NFIX: variants seen among roughly 807,000 people sequenced by gnomAD.
The protein encoded by NFIX is nuclear factor I X.
NFIX carries 2 observed loss-of-function variants against 53.3 expected under a neutral mutation model. The ratio of observed to expected loss-of-function variants is 0.04; its 90% CI spans 0.02 to 0.12. NFIX has a LOEUF of 0.12. NFIX is among the 10% of genes least tolerant of loss of function. NFIX has a pLI of 1.00. For missense variants in NFIX, 310 were observed against 674.5 expected (o/e 0.46, Z 5.99); for synonymous variants, 244 against 289.0 (o/e 0.84, Z 1.58).
Position 13,074,035 on chromosome 19 carries a change from A to G in NFIX, c.818+9A>G. On this transcript the variant is annotated intron_variant, in intron 5 of 10. Coordinates refer to ENST00000592199, the MANE Select transcript of NFIX (RefSeq NM_001365902.3). Reference sequence around the variant, plus strand: ...TCCCCTCCTTCCACCAGGTAAGCCCAGTGGCCCTGCCTTTCCATCTTCTCT... The same window carrying G: ...TCCCCTCCTTCCACCAGGTAAGCCCGGTGGCCCTGCCTTTCCATCTTCTCT... The G allele has an allele frequency of 3.1e-6, 5 of 1,613,762 alleles. No homozygotes were observed. Among genetic ancestry groups the G allele is most frequent in the Non-Finnish European group, 4.2e-6 (5 of 1,179,792 alleles).
intron 1 of NFIX, among the ~76,000 whole-genome samples, chr19:13,020,589 C>G (rs976272582): frequency 6.6e-6 from 1 of 152,184 alleles, no homozygotes; most frequent in Non-Finnish European, 1.5e-5. Context: ...TAGCCACTGG[C>G]AGGAGAAGGA....
In NFIX at chr19:13,088,373, C is replaced by T. The variant is rs2017919174; in HGVS notation, c.1402+237C>T. Among the ~76,000 whole-genome samples, 1 of 152,136 alleles carries T rather than the reference C, an allele frequency of 6.6e-6. No individual in the cohort carries two copies. Among genetic ancestry groups the T allele is most frequent in the Non-Finnish European group, 1.5e-5 (1 of 68,004 alleles). ...CTGCTCCCAGCCGGGGCCCCTGGCCCAGGCCCCTCTGGGGGGCGGGAGGGA... is the reference window on the plus strand; with the variant it reads ...CTGCTCCCAGCCGGGGCCCCTGGCCTAGGCCCCTCTGGGGGGCGGGAGGGA... On this transcript the variant is annotated intron_variant, in intron 9 of 10. Coordinates refer to ENST00000592199, the MANE Select transcript of NFIX (RefSeq NM_001365902.3). This position sits in a 1 kb window ranked among gnomAD's most constrained non-coding sequence, Gnocchi z 5.9.
In NFIX at chr19:13,001,421, C is replaced by G. The variant is rs1291649707; in HGVS notation, c.27+5557C>G. ...GGGGGTCGGGGAGCGTGCCACCATG[C>G]GTGTCAGTGTGCCGGATGTAGTCTC... On this transcript the variant is annotated intron_variant, in intron 1 of 10. Transcript: ENST00000592199. This position sits in a 1 kb window ranked among gnomAD's most constrained non-coding sequence, Gnocchi z 6.5. 7.2e-5 allele frequency among the ~76,000 whole-genome samples: 11 copies of G among 151,736 alleles called. No individual in the cohort carries two copies. Among genetic ancestry groups the G allele is most frequent in the Non-Finnish European group, 2.9e-5 (2 of 67,938 alleles).
In NFIX at chr19:13,011,869, C is replaced by G. The variant is rs1322062658; in HGVS notation, c.28-13152C>G. Among the ~76,000 whole-genome samples the G allele has an allele frequency of 2.0e-5, 3 of 152,026 alleles. No individual in the cohort carries two copies. Among genetic ancestry groups the G allele is most frequent in the African/African-American group, 2.4e-5 (1 of 41,276 alleles). The stretch of plus-strand genomic sequence containing the variant: ...CATTTCCTGGACCCGCTGCAACTGA[C>G]TCAAGACTGGGGGGAGGGGGCTCAT... On this transcript the variant is annotated intron_variant, in intron 1 of 10. Coordinates refer to ENST00000592199, the MANE Select transcript of NFIX (RefSeq NM_001365902.3). The surrounding 1 kb of genome is among the most constrained non-coding windows in gnomAD (Gnocchi z 6.5).
At chr19:13,048,899 C>T (rs993179727) in intron 2 of NFIX, among the ~76,000 whole-genome samples, 1 of 151,976 alleles carries the variant, frequency 6.6e-6, no homozygotes, top group African/African-American at 2.4e-5. Flanking sequence ...ATGGTGAAAC[C>T]CTGTCTTTAC....
At position 13,027,761 on chromosome 19, in the gene NFIX, A is replaced by G. The variant is rs144527884; in HGVS notation, c.559+2209A>G. ...CCATGCCTCCCTGCCAGCTTAAGAG[A>G]TCATTCGCCCAGGAATATGAGTGAA... On this transcript the variant is annotated intron_variant, in intron 2 of 10. Coordinates refer to ENST00000592199, the MANE Select transcript of NFIX (RefSeq NM_001365902.3). The surrounding 1 kb of genome is among the most constrained non-coding windows in gnomAD (Gnocchi z 4.3). Among the ~76,000 whole-genome samples, 317 of 152,318 alleles carry G rather than the reference A, an allele frequency of 2.1e-3. No individual in the cohort carries two copies. The highest frequency in any genetic ancestry group is 4.4e-3 in the Admixed American group (67 of 15,302).
intron 2 of NFIX, among the ~76,000 whole-genome samples, chr19:13,029,497 C>T (rs1241637149): frequency 6.6e-6 from 1 of 152,138 alleles, no homozygotes; most frequent in Non-Finnish European, 1.5e-5. Flanking sequence ...AGTCCTTCTC[C>T]TCTTCCTCTT....
rs1412796643 is a variant in NFIX, at chr19:13,005,348, T to C, written c.27+9484T>C. Among the ~76,000 whole-genome samples the C allele has an allele frequency of 8.5e-5, 13 of 152,256 alleles. No homozygotes were observed. The highest frequency in any genetic ancestry group is 2.9e-4 in the African/African-American group (12 of 41,462). Reference sequence around the variant, plus strand: ...TTGCTAAGTGCCTTCCCAGCTTGTCTTCTTGAATCCTGTGTTCAGCAGGTA... The same window carrying C: ...TTGCTAAGTGCCTTCCCAGCTTGTCCTCTTGAATCCTGTGTTCAGCAGGTA... On this transcript the variant is annotated intron_variant, in intron 1 of 10. Transcript: ENST00000592199. The surrounding 1 kb of genome is among the most constrained non-coding windows in gnomAD (Gnocchi z 4.7).
chr19:13,048,081 A>T (rs2015102555), intron 2 of NFIX, among the ~76,000 whole-genome samples: 1 of 152,288 alleles, frequency 6.6e-6, no homozygotes, highest in East Asian at 1.9e-4. Context: ...TCCTTGTGTT[A>T]TGCCTAGAAG....
chr19:13,043,032 G>T lies in NFIX; in HGVS notation c.559+17480G>T, dbSNP rs1000725816. Among the ~76,000 whole-genome samples, 6 of 152,078 alleles carry T rather than the reference G, an allele frequency of 3.9e-5. No individual in the cohort carries two copies. Among genetic ancestry groups the T allele is most frequent in the Admixed American group, 6.5e-5 (1 of 15,268 alleles). The stretch of plus-strand genomic sequence containing the variant: ...AGATGTTGCCATCATTGTACATATC[G>T]TGTACATTGCACATACATGTCATGT... On this transcript the variant is annotated intron_variant, in intron 2 of 10. Coordinates refer to ENST00000592199, the MANE Select transcript of NFIX (RefSeq NM_001365902.3). The surrounding 1 kb of genome is among the most constrained non-coding windows in gnomAD (Gnocchi z 4.0).
chr19:13,091,434 GTCAAACT>G (rs2018135785), intron 10 of NFIX, among the ~76,000 whole-genome samples: 1 of 108,224 alleles, frequency 9.2e-6, no homozygotes, highest in Non-Finnish European at 1.9e-5. Context: ...AAAAAACTTT[GTCAAACT>G]TCAAACTTCA....
intron 10 of NFIX, among the ~76,000 whole-genome samples, chr19:13,092,674 T>C (rs1236038256): frequency 1.3e-5 from 2 of 152,234 alleles, no homozygotes; most frequent in Non-Finnish European, 2.9e-5. Flanking sequence ...ACAGGGTTCC[T>C]GTATAGTCTC....
chr19:13,049,023 GA>G lies in NFIX; in HGVS notation c.559+23472del, dbSNP rs758766484. ...GCTCAGGAGGCAGAGGTTGCAGTGAGACAAGATCGCGTCACTGTACCCCAGC... is the reference window on the plus strand; with the variant it reads ...GCTCAGGAGGCAGAGGTTGCAGTGAGCAAGATCGCGTCACTGTACCCCAGC... On this transcript the variant is annotated intron_variant, in intron 2 of 10. Transcript: ENST00000592199. The surrounding 1 kb of genome is among the most constrained non-coding windows in gnomAD (Gnocchi z 4.5). Among the ~76,000 whole-genome samples the G allele has an allele frequency of 7.3e-3, 1,107 of 152,250 alleles. 7 individuals are homozygous for G. The highest frequency in any genetic ancestry group is 0.011 in the Non-Finnish European group (726 of 68,012).
intron 1 of NFIX, among the ~76,000 whole-genome samples, chr19:13,020,930 C>T (rs1373375150): frequency 6.6e-6 from 1 of 152,116 alleles, no homozygotes; most frequent in Non-Finnish European, 1.5e-5. Flanking sequence ...CAACCCATGT[C>T]GAGCATGTCT....
rs1420771564 is a variant in NFIX, at chr19:13,094,120, G to A, written c.1495-515G>A. ...GGGACTGAAGCTGTGTGGTTCCCCT[G>A]CCCCCAGTCTTTCAGCCTGTGGGAC... On this transcript the variant is annotated intron_variant, in intron 10 of 10. Coordinates refer to ENST00000592199, the MANE Select transcript of NFIX (RefSeq NM_001365902.3). The surrounding 1 kb of genome is among the most constrained non-coding windows in gnomAD (Gnocchi z 4.3). Among the ~76,000 whole-genome samples the A allele has an allele frequency of 6.6e-6, 1 of 152,190 alleles. No homozygotes were observed. Among genetic ancestry groups the A allele is most frequent in the Non-Finnish European group, 1.5e-5 (1 of 68,034 alleles).
chr19:12,999,669 A>G (rs535891188), intron 1 of NFIX, among the ~76,000 whole-genome samples: 6 of 152,296 alleles, frequency 3.9e-5, no homozygotes, highest in African/African-American at 1.4e-4. Context: ...TTTCCTGGCC[A>G]TACAAGCAGC....
In NFIX at chr19:13,073,182, C is replaced by T. The variant is rs2016869664; in HGVS notation, c.622+73C>T. On this transcript the variant is annotated intron_variant, in intron 3 of 10. Transcript: ENST00000592199. The surrounding 1 kb of genome is among the most constrained non-coding windows in gnomAD (Gnocchi z 4.5). The stretch of plus-strand genomic sequence containing the variant: ...CACTTCCTTCCCCCACCCTGGCTGC[C>T]CTGGCCACCCTCACTTCTTCCCCTT... 1 of 1,405,922 alleles carries T rather than the reference C, an allele frequency of 7.1e-7. No individual in the cohort carries two copies. The highest frequency in any genetic ancestry group is 1.7e-5 in the Admixed American group (1 of 59,694). The allele number at this position is 1,405,922 out of a possible 1,614,324, so 87.1% of individuals were successfully genotyped here. A position where few individuals can be genotyped will look rare whatever the true frequency, so the allele number is the denominator to read the frequency against.
chr19:13,094,613 C>T lies in NFIX; in HGVS notation c.1495-22C>T. On this transcript the variant is annotated intron_variant, in intron 10 of 10. Transcript: ENST00000592199. This position sits in a 1 kb window ranked among gnomAD's most constrained non-coding sequence, Gnocchi z 4.3. ...CCTGCCCCAGCTGTTCTCAGTATCGCCTCTTTTTCATCCTGTTTCAGTCCT... is the reference window on the plus strand; with the variant it reads ...CCTGCCCCAGCTGTTCTCAGTATCGTCTCTTTTTCATCCTGTTTCAGTCCT... The T allele has an allele frequency of 6.5e-7, 1 of 1,536,100 alleles. No individual in the cohort carries two copies. Among genetic ancestry groups the T allele is most frequent in the South Asian group, 1.2e-5 (1 of 84,054 alleles).
At position 13,043,730 on chromosome 19, in the gene NFIX, A is replaced by C. The variant is rs1474521365; in HGVS notation, c.559+18178A>C. Among the ~76,000 whole-genome samples the C allele has an allele frequency of 6.6e-6, 1 of 152,190 alleles. No individual in the cohort carries two copies. Among genetic ancestry groups the C allele is most frequent in the African/African-American group, 2.4e-5 (1 of 41,442 alleles). On this transcript the variant is annotated intron_variant, in intron 2 of 10. Transcript: ENST00000592199. The surrounding 1 kb of genome is among the most constrained non-coding windows in gnomAD (Gnocchi z 4.0). ...CACAGCCCCCTTGTGCCCTGCCCCA[A>C]GTCCCTGTGTGTAAGTGAGCATGCT...
Sources: gnomAD v4.1 joint callset for allele counts (sites outside exome capture counted in the v4.1 genomes callset) on GRCh38, gnomAD v4.1.1 for gene constraint, Gnocchi (gnomAD v3.1) non-coding constraint, MANE v1.5 for transcripts, NCBI Gene and HGNC (gene_info 2026-07-23, HGNC 2026-07-21) for gene names.